TTC28: variants seen among roughly 807,000 people sequenced by gnomAD.
The protein encoded by TTC28 is tetratricopeptide repeat domain 28.
A neutral mutation model predicts 198.0 loss-of-function variants in TTC28; 61 were observed. The observed-to-expected ratio is 0.31, with a 90% confidence interval of 0.25 to 0.38. TTC28 has a LOEUF of 0.38. TTC28 is among the 10% of genes least tolerant of loss of function. The pLI, the probability that TTC28 is intolerant of heterozygous loss-of-function variation, is 1.00. For synonymous variants in TTC28, 1,171 were observed against 1,297.8 expected, an observed-to-expected ratio of 0.90 and a Z score of 2.10; for missense variants, 2,678 against 3,164.0, an observed-to-expected ratio of 0.85 and a Z score of 3.69.
rs116900803 is a variant in TTC28, at chr22:28,359,745, T to C, written c.382-53102A>G. 7.9e-3 allele frequency among the ~76,000 whole-genome samples: 1,200 copies of C among 152,252 alleles called. 1 individual carries two copies. The highest frequency in any genetic ancestry group is 0.013 in the Admixed American group (202 of 15,292). On this transcript the variant is annotated intron_variant, in intron 2 of 22. Coordinates refer to ENST00000397906, the MANE Select transcript of TTC28 (RefSeq NM_001145418.2). ...GAGAAGCTGTGTTTATAGATCACAA[T>C]AGGCTACCCTACTGGGCATTTTGAT...
At chr22:28,422,145 T>G (rs2047264882) in intron 2 of TTC28, among the ~76,000 whole-genome samples, 1 of 152,166 alleles carries the variant, frequency 6.6e-6, no homozygotes, top group African/African-American at 2.4e-5. Flanking sequence ...CACAAAATGT[T>G]ATACTCAACA....
chr22:28,216,507 G>A (rs1927413302), intron 5 of TTC28, among the ~76,000 whole-genome samples: 1 of 152,056 alleles, frequency 6.6e-6, no homozygotes, highest in Non-Finnish European at 1.5e-5. Flanking sequence ...GGAATAGATT[G>A]TGTTTATATC....
chr22:28,134,931 C>T (rs531808457), intron 6 of TTC28, among the ~76,000 whole-genome samples: 1 of 152,166 alleles, frequency 6.6e-6, no homozygotes. Context: ...CTCACTCATG[C>T]ATTCTTATAA....
intron 5 of TTC28, among the ~76,000 whole-genome samples, chr22:28,204,638 T>G (rs1036878429): frequency 6.6e-6 from 1 of 151,958 alleles, no homozygotes; most frequent in African/African-American, 2.4e-5. Flanking sequence ...AATGATTAAG[T>G]AAATCAGGAT....
At chr22:28,209,954 C>G (rs1926774210) in intron 5 of TTC28, among the ~76,000 whole-genome samples, 1 of 152,272 alleles carries the variant, frequency 6.6e-6, no homozygotes, top group Middle Eastern at 3.4e-3. Flanking sequence ...GAGGAAGGAT[C>G]AGGCAGCAAC....
At chr22:28,351,601 T>C (rs967085855) in intron 2 of TTC28, among the ~76,000 whole-genome samples, 18 of 152,158 alleles carry the variant, frequency 1.2e-4, no homozygotes, top group African/African-American at 3.4e-4. Context: ...TGTGTCAATA[T>C]GGGGCCAGCA....
rs1942272954 is a variant in TTC28, at chr22:28,105,617, A to T, written c.2969T>A (p.Met990Lys). Residue 990 changes from methionine to lysine, a missense_variant, in exon 8 of 23, where the codon ATG becomes AAG. Around this residue, in one of 8 missense-constraint regions of TTC28, gnomAD observed 727 missense variants for 861.9 expected, o/e 0.84. Transcript: ENST00000397906. Reference protein sequence around the residue: ...LERQLNIARDMKDRALESDAA... With the variant: ...LERQLNIARDKKDRALESDAA... ...GTCACTCTCCAGGGCTCGGTCTTTCATATCTCTAGCAATGTTCAGCTGGCG... is the reference window on the plus strand; with the variant it reads ...GTCACTCTCCAGGGCTCGGTCTTTCTTATCTCTAGCAATGTTCAGCTGGCG... 1 of 1,551,754 alleles carries T rather than the reference A, an allele frequency of 6.4e-7. No homozygotes were observed. Among genetic ancestry groups the T allele is most frequent in the African/African-American group, 1.4e-5 (1 of 72,996 alleles).
intron 2 of TTC28, among the ~76,000 whole-genome samples, chr22:28,607,954 A>G (rs2050760790): frequency 6.6e-6 from 1 of 152,208 alleles, no homozygotes; most frequent in African/African-American, 2.4e-5. Flanking sequence ...CCCATAAATT[A>G]AACTGTGGAA....
chr22:28,511,571 G>C (rs1234478648), intron 2 of TTC28, among the ~76,000 whole-genome samples: 5 of 152,130 alleles, frequency 3.3e-5, no homozygotes, highest in Admixed American at 3.3e-4. Flanking sequence ...AGTGGCTCAA[G>C]CACTATAGGA....
intron 5 of TTC28, among the ~76,000 whole-genome samples, chr22:28,175,071 G>T (rs1340392690): frequency 6.8e-6 from 1 of 147,716 alleles, no homozygotes; most frequent in Non-Finnish European, 1.5e-5. Context: ...GCATGCAGAA[G>T]GATGAGACTA....
chr22:28,580,503 G>A (rs2050219296), intron 2 of TTC28, among the ~76,000 whole-genome samples: 1 of 152,224 alleles, frequency 6.6e-6, no homozygotes, highest in South Asian at 2.1e-4. Context: ...CTCCCAAAGT[G>A]CAGGGATTAC....
At chr22:28,209,992 C>G (rs990469117) in intron 5 of TTC28, among the ~76,000 whole-genome samples, 10 of 152,226 alleles carry the variant, frequency 6.6e-5, no homozygotes, top group African/African-American at 2.2e-4. Flanking sequence ...ATTTGCTGTT[C>G]GGCAGCCTCC....
At chr22:28,247,184 A>G (rs1023282109) in intron 5 of TTC28, among the ~76,000 whole-genome samples, 1 of 152,204 alleles carries the variant, frequency 6.6e-6, no homozygotes, top group African/African-American at 2.4e-5. Flanking sequence ...ACAACACTCA[A>G]TAAAGAGTGT....
At chr22:28,063,388 G>C (rs1327240187) in intron 12 of TTC28, among the ~76,000 whole-genome samples, 1 of 152,154 alleles carries the variant, frequency 6.6e-6, no homozygotes, top group African/African-American at 2.4e-5. Context: ...GCCATGTTCA[G>C]ACCTTAGGCT....
intron 2 of TTC28, among the ~76,000 whole-genome samples, chr22:28,331,992 A>T (rs2045623505): frequency 6.6e-6 from 1 of 152,104 alleles, no homozygotes; most frequent in Admixed American, 6.6e-5. Context: ...AAAGCAAATT[A>T]AGAAACCCAT....
chr22:28,020,482 G>A (rs867497117), intron 13 of TTC28, among the ~76,000 whole-genome samples: 1 of 152,206 alleles, frequency 6.6e-6, no homozygotes, highest in African/African-American at 2.4e-5. Flanking sequence ...GGGCAGAGGG[G>A]TCAGGGGCGT....
chr22:28,123,190 CTTTGTTCTTTCCTTCTG>C (rs2146944148), intron 6 of TTC28, among the ~76,000 whole-genome samples: 1 of 152,132 alleles, frequency 6.6e-6, no homozygotes, highest in East Asian at 1.9e-4. Flanking sequence ...CTTTCCTTCT[CTTTGTTCTTTCCTTCTG>C]TATTCTACTG....
intron 6 of TTC28, among the ~76,000 whole-genome samples, chr22:28,111,514 T>C (rs1429939566): frequency 6.6e-6 from 1 of 151,748 alleles, no homozygotes; most frequent in African/African-American, 2.4e-5. Context: ...AATTTCCAGG[T>C]TTCCTCAGAG....
intron 2 of TTC28, among the ~76,000 whole-genome samples, chr22:28,616,828 C>T (rs1374229276): frequency 6.7e-6 from 1 of 148,682 alleles, no homozygotes; most frequent in Non-Finnish European, 1.5e-5. Context: ...GCATGGGTGA[C>T]AGAGCAAGAC....
Sources: allele counts gnomAD v4.1 joint callset (sites outside exome capture counted in the v4.1 genomes callset), GRCh38; gene constraint gnomAD v4.1.1; regional missense constraint gnomAD v4.1.1; transcripts MANE v1.5; gene names NCBI Gene and HGNC (gene_info 2026-07-23, HGNC 2026-07-21).